CAMTA1: variants seen among roughly 807,000 people sequenced by gnomAD.
CAMTA1 encodes calmodulin-binding transcription activator 1.
CAMTA1 carries 27 observed loss-of-function variants against 170.9 expected under a neutral mutation model. The ratio of observed to expected loss-of-function variants is 0.16; its 90% CI spans 0.12 to 0.22. The LOEUF is 0.22. Among genes scored for constraint, CAMTA1 ranks in the 10% least tolerant of loss-of-function variants. The pLI is 1.00. For synonymous variants in CAMTA1, 833 were observed against 891.5 expected, an observed-to-expected ratio of 0.93 and a Z score of 1.17; for missense variants, 1,619 against 2,217.2, an observed-to-expected ratio of 0.73 and a Z score of 5.42.
chr1:7,085,822 A>G (rs896214135), intron 3 of CAMTA1, among the ~76,000 whole-genome samples: 1 of 152,154 alleles, frequency 6.6e-6, no homozygotes, highest in Non-Finnish European at 1.5e-5. Context: ...ATCAAAACCC[A>G]TCAGCTTGGG....
intron 5 of CAMTA1, among the ~76,000 whole-genome samples, chr1:7,280,286 G>GA (rs1671325422): frequency 6.6e-6 from 1 of 152,260 alleles, no homozygotes; most frequent in Non-Finnish European, 1.5e-5. Context: ...GCCCACCAGG[G>GA]AAGGAACACT....
chr1:7,692,764 C>G (rs114151225), intron 11 of CAMTA1, among the ~76,000 whole-genome samples: 2,316 of 152,258 alleles, frequency 0.015, 52 homozygotes, highest in African/African-American at 0.053. Context: ...ATGGAAGAAA[C>G]AGCGTTGATA....
intron 4 of CAMTA1, among the ~76,000 whole-genome samples, chr1:7,244,499 C>T (rs1227605912): frequency 6.6e-6 from 1 of 152,144 alleles, no homozygotes; most frequent in Non-Finnish European, 1.5e-5. Flanking sequence ...CCCAAATGTC[C>T]AACAATGACA....
intron 5 of CAMTA1, among the ~76,000 whole-genome samples, chr1:7,294,198 C>T (rs1187356804): frequency 1.3e-5 from 2 of 152,218 alleles, no homozygotes; most frequent in South Asian, 2.1e-4. Context: ...GAGGCTCCCT[C>T]GGTGGTTTGT....
intron 5 of CAMTA1, among the ~76,000 whole-genome samples, chr1:7,252,603 G>C (rs898964717): frequency 4.8e-4 from 73 of 152,298 alleles, no homozygotes; most frequent in African/African-American, 1.7e-3. Context: ...GGGCTTCTGA[G>C]TTTGGACTCT....
At chr1:7,581,494 A>T (rs533925900) in intron 6 of CAMTA1, among the ~76,000 whole-genome samples, 16 of 152,366 alleles carry the variant, frequency 1.1e-4, no homozygotes, top group South Asian at 2.1e-4. Flanking sequence ...ATTTGGAGAA[A>T]GTACAGAAAC....
intron 5 of CAMTA1, among the ~76,000 whole-genome samples, chr1:7,440,646 G>A (rs772760195): frequency 5.9e-5 from 9 of 152,286 alleles, no homozygotes; most frequent in Middle Eastern, 3.4e-3. Flanking sequence ...GCAGGTGAAG[G>A]TGTGGTCCCC....
intron 5 of CAMTA1, among the ~76,000 whole-genome samples, chr1:7,270,291 A>ATATATATTT (rs1336977888): frequency 9.0e-6 from 1 of 110,544 alleles, no homozygotes; most frequent in African/African-American, 3.4e-5. Flanking sequence ...ATATATATAT[A>ATATATATTT]TTTTTTTTTT....
At chr1:7,278,048 A>G (rs567642593) in intron 5 of CAMTA1, among the ~76,000 whole-genome samples, 3 of 152,222 alleles carry the variant, frequency 2.0e-5, no homozygotes, top group South Asian at 4.1e-4. Flanking sequence ...TACCTGAACA[A>G]TTGTTTTCTG....
intron 6 of CAMTA1, among the ~76,000 whole-genome samples, chr1:7,477,756 C>T (rs993761782): frequency 6.6e-6 from 1 of 152,194 alleles, no homozygotes; most frequent in Non-Finnish European, 1.5e-5. Flanking sequence ...CCTTGCAGGC[C>T]CCATTGCTCA....
intron 4 of CAMTA1, among the ~76,000 whole-genome samples, chr1:7,150,260 G>C (rs1646496414): frequency 6.6e-6 from 1 of 152,200 alleles, no homozygotes; most frequent in African/African-American, 2.4e-5. Context: ...GGTTGGCCTG[G>C]ACCGGCAGGT....
chr1:6,893,460 A>G (rs1674985986), intron 3 of CAMTA1, among the ~76,000 whole-genome samples: 1 of 152,144 alleles, frequency 6.6e-6, no homozygotes, highest in Admixed American at 6.5e-5. Context: ...TGCCCTCTTC[A>G]GTTGTGATGC....
Position 7,560,593 on chromosome 1 carries a change from C to T in CAMTA1, c.511-79807C>T, listed in dbSNP as rs79087069. The stretch of plus-strand genomic sequence containing the variant: ...CAAAGCCAGCCATTAGGTCCTCAGA[C>T]GTGCAGACAGGCAGGGCTGGCTGTA... On this transcript the variant is annotated intron_variant, in intron 6 of 22. Coordinates refer to ENST00000303635, the MANE Select transcript of CAMTA1 (RefSeq NM_015215.4). 2.1e-3 allele frequency among the ~76,000 whole-genome samples: 327 copies of T among 152,370 alleles called. 2 individuals carry two copies. Among genetic ancestry groups the T allele is most frequent in the African/African-American group, 7.6e-3 (318 of 41,586 alleles).
chr1:7,104,826 G>A (rs1643417512), intron 4 of CAMTA1, among the ~76,000 whole-genome samples: 1 of 152,146 alleles, frequency 6.6e-6, no homozygotes, highest in Non-Finnish European at 1.5e-5. Flanking sequence ...GATGATGATG[G>A]TGACGGATAA....
chr1:7,056,360 C>T lies in CAMTA1; in HGVS notation c.235-34944C>T, dbSNP rs536003096. 3.3e-4 allele frequency among the ~76,000 whole-genome samples: 50 copies of T among 152,304 alleles called. 1 individual carries two copies. Among genetic ancestry groups the T allele is most frequent in the Middle Eastern group, 3.4e-3 (1 of 294 alleles). ...ACCCCTCAAGTAACTGAACCTGCCA[C>T]GAGAAGATGCAGCCCCCAGGTGGGA... On this transcript the variant is annotated intron_variant, in intron 3 of 22. Coordinates refer to ENST00000303635, the MANE Select transcript of CAMTA1 (RefSeq NM_015215.4).
At chr1:7,626,483 C>T (rs992352745) in intron 6 of CAMTA1, among the ~76,000 whole-genome samples, 2 of 152,232 alleles carry the variant, frequency 1.3e-5, no homozygotes, top group Non-Finnish European at 2.9e-5. Flanking sequence ...TCTCGGGACC[C>T]TACTCATAGT....
At chr1:7,117,116 G>A (rs563502208) in intron 4 of CAMTA1, among the ~76,000 whole-genome samples, 8 of 151,894 alleles carry the variant, frequency 5.3e-5, no homozygotes, top group South Asian at 2.1e-4. Flanking sequence ...GATTACAGGC[G>A]CCCGCCACCA....
intron 1 of CAMTA1, among the ~76,000 whole-genome samples, chr1:6,809,472 G>C (rs779102765): frequency 6.6e-6 from 1 of 152,146 alleles, no homozygotes; most frequent in Non-Finnish European, 1.5e-5. Flanking sequence ...AAGGGAGGGA[G>C]CCTTGGTGCT....
intron 5 of CAMTA1, among the ~76,000 whole-genome samples, chr1:7,385,046 G>A (rs1057048797): frequency 3.3e-5 from 5 of 151,258 alleles, no homozygotes; most frequent in Non-Finnish European, 7.4e-5. Flanking sequence ...AGCTTCAGCA[G>A]AACAGCCCTC....
Sources: allele counts gnomAD v4.1 joint callset (sites outside exome capture counted in the v4.1 genomes callset), GRCh38; gene constraint gnomAD v4.1.1; transcripts MANE v1.5; gene names NCBI Gene and HGNC (gene_info 2026-07-23, HGNC 2026-07-21).